ITFG1: variants seen among roughly 807,000 people sequenced by gnomAD.
ITFG1 encodes T-cell immunomodulatory protein.
Under a neutral mutation model 81.8 loss-of-function variants are expected in ITFG1, and 34 were observed. The observed-to-expected ratio is 0.42, with a 90% CI of 0.32 to 0.55. The LOEUF (loss-of-function observed/expected upper bound fraction) is 0.55. ITFG1 is among the 20% of genes least tolerant of loss of function. The pLI is 0.17. For missense variants in ITFG1, 672 were observed against 755.4 expected, an observed-to-expected ratio of 0.89 and a Z score of 1.29; for synonymous variants, 285 against 270.6, an observed-to-expected ratio of 1.05 and a Z score of -0.52.
At chr16:47,441,452 C>G (rs915627728) in intron 5 of ITFG1, among the ~76,000 whole-genome samples, 2 of 152,152 alleles carry the variant, frequency 1.3e-5, no homozygotes, top group Admixed American at 1.3e-4. Flanking sequence ...CAAACCGAAT[C>G]CAACAACACA....
chr16:47,259,600 C>T (rs538329107), intron 11 of ITFG1, among the ~76,000 whole-genome samples: 1 of 152,024 alleles, frequency 6.6e-6, no homozygotes, highest in Non-Finnish European at 1.5e-5. Flanking sequence ...AAAATAAAAT[C>T]AAAAATGGGG....
chr16:47,388,155 G>GA (rs1466247807), intron 6 of ITFG1, among the ~76,000 whole-genome samples: 1 of 151,708 alleles, frequency 6.6e-6, no homozygotes, highest in Non-Finnish European at 1.5e-5. Flanking sequence ...AAAACAGAGA[G>GA]AAAAAAAGGA....
chr16:47,335,320 T>C (rs1230432550), intron 8 of ITFG1, among the ~76,000 whole-genome samples: 1 of 151,934 alleles, frequency 6.6e-6, no homozygotes, highest in Non-Finnish European at 1.5e-5. Flanking sequence ...TCATGCCCAT[T>C]GCACTCCAGC....
chr16:47,368,658 A>G (rs1368638589), intron 7 of ITFG1, among the ~76,000 whole-genome samples: 2 of 151,614 alleles, frequency 1.3e-5, no homozygotes, highest in African/African-American at 4.8e-5. Flanking sequence ...CTCTTAAAAT[A>G]TATCAGCCTT....
At chr16:47,421,942 C>T (rs1048245874) in intron 6 of ITFG1, among the ~76,000 whole-genome samples, 4 of 152,108 alleles carry the variant, frequency 2.6e-5, no homozygotes, top group African/African-American at 9.7e-5. Context: ...GGTTTTCTGT[C>T]CTTGTGACAG....
rs1352258972 is a variant in ITFG1 at position 47,452,805 on chromosome 16, T to C, written c.428-15A>G. 4.4e-6 allele frequency: 6 copies of C among 1,366,742 alleles called. No homozygotes were observed. In the South Asian group the frequency reaches 5.4e-5, roughly 12 times the overall value. The allele number at this position is 1,366,742 out of a possible 1,614,324, so 84.7% of individuals were successfully genotyped here. A position where few individuals can be genotyped will look rare whatever the true frequency, so the allele number is the denominator to read the frequency against. On this transcript the variant is annotated splice_polypyrimidine_tract_variant and intron_variant, in intron 3 of 17. Transcript: ENST00000320640. ...ATTGTTAGGATCTGCAAAAAAGATA[T>C]ATATATATATGAATTAGCAGGCATT... is the stretch of plus-strand genomic sequence containing the variant.
intron 8 of ITFG1, among the ~76,000 whole-genome samples, chr16:47,347,790 C>T (rs1967880660): frequency 6.6e-6 from 1 of 152,234 alleles, no homozygotes; most frequent in South Asian, 2.1e-4. Flanking sequence ...TGGGAGGCAC[C>T]CCCAAGTAGG....
In ITFG1 at chr16:47,316,102, A is replaced by G. The variant is rs1331332956; in HGVS notation, c.803-2279T>C. 2.0e-5 allele frequency among the ~76,000 whole-genome samples: 3 copies of G among 152,160 alleles called. No individual in the cohort carries two copies. In the East Asian group the frequency reaches 5.8e-4, roughly 29 times the overall value. Reference sequence around the variant, plus strand: ...CACTGCCTCTGGCCTTATTTTTAAAAAATATTTAGGTGAAATGACAGAAAT... The same window carrying G: ...CACTGCCTCTGGCCTTATTTTTAAAGAATATTTAGGTGAAATGACAGAAAT... On this transcript the variant is annotated intron_variant, in intron 8 of 17. Coordinates refer to ENST00000320640, the MANE Select transcript of ITFG1 (RefSeq NM_030790.5).
chr16:47,243,045 T>G (rs1480564922), intron 12 of ITFG1, among the ~76,000 whole-genome samples: 1 of 152,168 alleles, frequency 6.6e-6, no homozygotes, highest in East Asian at 1.9e-4. Context: ...AACAATTCCA[T>G]TTTTAATAAT....
rs182929857 is a variant in ITFG1, at chr16:47,171,859, G to A, written c.1454-9195C>T. Among the ~76,000 whole-genome samples, 9 of 152,252 alleles carry A rather than the reference G, an allele frequency of 5.9e-5. No individual in the cohort carries two copies. The East Asian group carries it at 1.5e-3, about 26-fold the overall frequency. On this transcript the variant is annotated intron_variant, in intron 14 of 17. Coordinates refer to ENST00000320640, the MANE Select transcript of ITFG1 (RefSeq NM_030790.5). Reference sequence around the variant, plus strand: ...AGAGAGTATATAAAATATATGAATAGTTTTGTATCTGCTTGCTAATGAATG... The same window carrying A: ...AGAGAGTATATAAAATATATGAATAATTTTGTATCTGCTTGCTAATGAATG...
At chr16:47,221,356 C>G (rs1207658152) in intron 13 of ITFG1, among the ~76,000 whole-genome samples, 1 of 152,154 alleles carries the variant, frequency 6.6e-6, no homozygotes, top group Admixed American at 6.6e-5. Flanking sequence ...TGGTTTTTGT[C>G]TTTGGTTCTG....
In ITFG1 at chr16:47,258,669, AT is replaced by A; in HGVS notation, c.1292del (p.Asn431IlefsTer27). Reference sequence around the variant, plus strand: ...CAAAATAAGCATCTGCTTCAAAGTTATTTTTTAGTGTATGAATGGCAAAATC... The same window carrying A: ...CAAAATAAGCATCTGCTTCAAAGTTATTTTTAGTGTATGAATGGCAAAATC... ...KNDFAIHTLK[N>X]NFEADAYFVK... On this transcript the variant is annotated frameshift_variant, in exon 12 of 18. Coordinates refer to ENST00000320640, the MANE Select transcript of ITFG1 (RefSeq NM_030790.5). LOFTEE classifies it high-confidence loss of function. 3.3e-6 allele frequency: 5 copies of A among 1,535,310 alleles called. No homozygotes were observed. The highest frequency in any genetic ancestry group is 1.8e-5 in the Admixed American group (1 of 55,968).
At chr16:47,418,914 C>T (rs915932004) in intron 6 of ITFG1, among the ~76,000 whole-genome samples, 2 of 152,058 alleles carry the variant, frequency 1.3e-5, no homozygotes, top group Admixed American at 1.3e-4. Context: ...GATTGTTTTT[C>T]CTATTTCTGT....
At chr16:47,174,541 T>C (rs1965000454) in intron 14 of ITFG1, among the ~76,000 whole-genome samples, 2 of 152,120 alleles carry the variant, frequency 1.3e-5, no homozygotes, top group African/African-American at 4.8e-5. Flanking sequence ...TTTTTTTAGA[T>C]AGAGTCTTGC....
At chr16:47,363,745 T>C (rs542521148) in intron 8 of ITFG1, among the ~76,000 whole-genome samples, 52 of 152,348 alleles carry the variant, frequency 3.4e-4, no homozygotes, top group African/African-American at 9.9e-4. Flanking sequence ...CATAACAAAA[T>C]TTGGAAAATA....
chr16:47,390,690 C>T (rs903677108), intron 6 of ITFG1, among the ~76,000 whole-genome samples: 6 of 152,084 alleles, frequency 3.9e-5, no homozygotes, highest in Non-Finnish European at 5.9e-5. Flanking sequence ...AAACTCCTCA[C>T]CTCAGGTGAT....
At chr16:47,420,535 G>T (rs1375428771) in intron 6 of ITFG1, among the ~76,000 whole-genome samples, 1 of 152,210 alleles carries the variant, frequency 6.6e-6, no homozygotes, top group Non-Finnish European at 1.5e-5. Context: ...AAGAGGAAGC[G>T]TGAGGATCAT....
At chr16:47,299,937 G>C (rs1285375751) in intron 10 of ITFG1, 3 of 152,264 alleles carry the variant, frequency 2.0e-5, no homozygotes, top group Non-Finnish European at 4.4e-5. Flanking sequence ...ACTGTGCATA[G>C]TCTGCTAAAA....
chr16:47,311,370 A>C lies in ITFG1; in HGVS notation c.940T>G (p.Trp314Gly), dbSNP rs776010304. The change falls in exon 10 of 18, where the codon TGG becomes GGG. Residue 314 changes from tryptophan to glycine, a missense_variant. By Grantham distance (184) the Trp-to-Gly change is radical (BLOSUM62 -2). This residue lies in a region of ITFG1 where 560 missense variants were observed against 625.7 expected (regional missense o/e 0.90). Coordinates refer to ENST00000320640, the MANE Select transcript of ITFG1 (RefSeq NM_030790.5). Reference sequence around the variant, plus strand: ...TCATCCACAAATGGCACAAAGCCCCAGAGTGTGCCCTTATTGCTGAAATCT... The same window carrying C: ...TCATCCACAAATGGCACAAAGCCCCCGAGTGTGCCCTTATTGCTGAAATCT... Reference protein sequence around the residue: ...LQDFSNKGTLWGFVPFVDEQQ... With the variant: ...LQDFSNKGTLGGFVPFVDEQQ... 1.2e-6 allele frequency: 2 copies of C among 1,613,772 alleles called. No homozygotes were observed. The highest frequency in any genetic ancestry group is 1.7e-6 in the Non-Finnish European group (2 of 1,179,842).
Sources: allele counts gnomAD v4.1 joint callset (sites outside exome capture counted in the v4.1 genomes callset), GRCh38; gene constraint gnomAD v4.1.1; regional missense constraint gnomAD v4.1.1; transcripts MANE v1.5; gene names NCBI Gene and HGNC (gene_info 2026-07-23, HGNC 2026-07-21).